DIAPH3: variants seen among roughly 807,000 people sequenced by gnomAD.
DIAPH3 encodes the protein protein diaphanous homolog 3.
Under a neutral mutation model 144.3 loss-of-function variants are expected in DIAPH3, and 117 were observed. That is an observed-to-expected ratio of 0.81 (90% CI 0.70 to 0.95). The LOEUF is 0.95. DIAPH3 is among the 40% of genes least tolerant of loss of function. DIAPH3 has a pLI of 0.00. For missense variants in DIAPH3, 1,421 were observed against 1,412.7 expected (o/e 1.01, Z -0.09); for synonymous variants, 519 against 488.9 (o/e 1.06, Z -0.81).
chr13:59,813,858 CAAA>C (rs34778897), intron 24 of DIAPH3, among the ~76,000 whole-genome samples: 3 of 91,196 alleles, frequency 3.3e-5, no homozygotes, highest in Admixed American at 1.1e-4. Context: ...GACTTTGTCT[CAAA>C]AAAAAAAAAA....
chr13:60,136,608 G>A lies in DIAPH3; in HGVS notation c.181-3619C>T, dbSNP rs187706785. On this transcript the variant is annotated intron_variant, in intron 1 of 27. Transcript: ENST00000400324. ...CTAGAGGTGTTATTAATGTTTTATG[G>A]CACTGAAATCAAATAAAACTCATGA... Among the ~76,000 whole-genome samples, 547 of 151,972 alleles carry A rather than the reference G, an allele frequency of 3.6e-3. 4 individuals carry two copies. The highest frequency in any genetic ancestry group is 0.012 in the African/African-American group (480 of 41,424).
chr13:60,114,907 G>C (rs1018723510), intron 2 of DIAPH3, among the ~76,000 whole-genome samples: 3 of 152,100 alleles, frequency 2.0e-5, no homozygotes, highest in Admixed American at 2.0e-4. Context: ...ACAACACAGG[G>C]ATTAGGGCAG....
intron 27 of DIAPH3, among the ~76,000 whole-genome samples, chr13:59,681,283 C>A (rs1187575990): frequency 1.3e-5 from 2 of 152,172 alleles, no homozygotes; most frequent in Admixed American, 1.3e-4. Context: ...TCAGCCTGGG[C>A]AATATAGTAA....
At chr13:59,691,367 T>G (rs150912372) in intron 27 of DIAPH3, among the ~76,000 whole-genome samples, 79 of 152,248 alleles carry the variant, frequency 5.2e-4, no homozygotes, top group Admixed American at 2.2e-3. Flanking sequence ...GAGCAATGTT[T>G]TGCTGAACTA....
At chr13:60,125,854 C>T (rs1488431518) in intron 2 of DIAPH3, among the ~76,000 whole-genome samples, 1 of 151,860 alleles carries the variant, frequency 6.6e-6, no homozygotes, top group Non-Finnish European at 1.5e-5. Flanking sequence ...AATGAGAAGA[C>T]TAGGACTGAT....
At chr13:59,967,232 AT>A (rs934128194) in intron 17 of DIAPH3, among the ~76,000 whole-genome samples, 52 of 143,626 alleles carry the variant, frequency 3.6e-4, no homozygotes, top group South Asian at 1.6e-3. Context: ...ATGCCTGGCT[AT>A]TTTTTTTTTT....
chr13:59,972,663 T>C (rs938922660), intron 15 of DIAPH3, among the ~76,000 whole-genome samples: 7 of 152,210 alleles, frequency 4.6e-5, no homozygotes, highest in Non-Finnish European at 1.0e-4. Context: ...TGATCAAAGA[T>C]GATACTTCCT....
At chr13:59,984,518 A>G (rs923395132) in intron 12 of DIAPH3, among the ~76,000 whole-genome samples, 2 of 151,872 alleles carry the variant, frequency 1.3e-5, no homozygotes, top group Non-Finnish European at 2.9e-5. Flanking sequence ...TACACTGGTC[A>G]TAGGTGAAAC....
chr13:59,822,892 C>T (rs1379315964), intron 24 of DIAPH3, among the ~76,000 whole-genome samples: 1 of 151,830 alleles, frequency 6.6e-6, no homozygotes, highest in Non-Finnish European at 1.5e-5. Flanking sequence ...GTACAAAGAA[C>T]ATACCATTTT....
chr13:60,074,826 A>T (rs914695510), intron 4 of DIAPH3, among the ~76,000 whole-genome samples: 3 of 152,136 alleles, frequency 2.0e-5, no homozygotes, highest in Non-Finnish European at 4.4e-5. Context: ...ATTGGTTTTA[A>T]CAGCTGTATT....
chr13:60,086,243 A>G (rs548454962), intron 4 of DIAPH3, among the ~76,000 whole-genome samples: 40 of 152,298 alleles, frequency 2.6e-4, no homozygotes, highest in African/African-American at 9.4e-4. Context: ...GTAATACTAG[A>G]GAACATGAAA....
chr13:59,716,900 G>A (rs2035087583), intron 27 of DIAPH3, among the ~76,000 whole-genome samples: 1 of 151,914 alleles, frequency 6.6e-6, no homozygotes, highest in South Asian at 2.1e-4. Context: ...TATTACGTCA[G>A]CACTCTTTTG....
intron 25 of DIAPH3, among the ~76,000 whole-genome samples, chr13:59,788,892 T>C (rs572320952): frequency 6.6e-6 from 1 of 152,342 alleles, no homozygotes; most frequent in African/African-American, 2.4e-5. Flanking sequence ...AAAAAGGAAC[T>C]ACTTAATCAT....
At chr13:59,816,251 T>C (rs2040767252) in intron 24 of DIAPH3, among the ~76,000 whole-genome samples, 1 of 152,068 alleles carries the variant, frequency 6.6e-6, no homozygotes, top group African/African-American at 2.4e-5. Flanking sequence ...TCATTAAAAT[T>C]TGGTAAAATG....
At chr13:59,844,822 C>G (rs147531851) in intron 22 of DIAPH3, among the ~76,000 whole-genome samples, 86 of 152,276 alleles carry the variant, frequency 5.6e-4, no homozygotes, top group African/African-American at 2.1e-3. Flanking sequence ...TATCTCCAAC[C>G]TGCTCCCTAT....
At chr13:60,112,332 T>C in intron 2 of DIAPH3, 146 bp from the exon 3 acceptor site, 1 of 950,870 alleles carries the variant, frequency 1.1e-6, no homozygotes, top group Non-Finnish European at 1.5e-6. Context: ...TATTTAAAAT[T>C]AATAATAATA....
chr13:60,150,571 A>C (rs1250454480), intron 1 of DIAPH3, among the ~76,000 whole-genome samples: 3 of 152,188 alleles, frequency 2.0e-5, no homozygotes, highest in Non-Finnish European at 4.4e-5. Context: ...ATAAGTGATT[A>C]AAATAGTGCC....
chr13:60,038,961 T>C (rs1458589978), intron 5 of DIAPH3, among the ~76,000 whole-genome samples: 6 of 152,088 alleles, frequency 3.9e-5, no homozygotes, highest in African/African-American at 9.7e-5. Context: ...TTATTGACTA[T>C]GTCAAGATCC....
chr13:59,844,443 G>A (rs1398799503), intron 22 of DIAPH3, among the ~76,000 whole-genome samples: 1 of 150,156 alleles, frequency 6.7e-6, no homozygotes, highest in Non-Finnish European at 1.5e-5. Flanking sequence ...GGCAAAGCTT[G>A]CAGTGAGCTG....
Sources: gnomAD v4.1 joint callset for allele counts (sites outside exome capture counted in the v4.1 genomes callset) on GRCh38, gnomAD v4.1.1 for gene constraint, MANE v1.5 for transcripts, NCBI Gene and HGNC (gene_info 2026-07-23, HGNC 2026-07-21) for gene names.